TMEM135: variants seen among roughly 807,000 people sequenced by gnomAD.
The protein encoded by TMEM135 is transmembrane protein 135.
A neutral mutation model predicts 60.3 loss-of-function variants in TMEM135; 30 were observed. The observed-to-expected ratio is 0.50, with a 90% CI of 0.37 to 0.68. The LOEUF (loss-of-function observed/expected upper bound fraction) is 0.68, where lower values mean the gene tolerates loss of function less well. Ranked by LOEUF, TMEM135 falls within the 30% of genes least tolerant of loss-of-function variation. The pLI, the probability that TMEM135 is intolerant of heterozygous loss-of-function variation, is 0.00. For missense variants in TMEM135, 468 were observed against 548.8 expected (o/e 0.85, Z 1.47); for synonymous variants, 190 against 186.7 (o/e 1.02, Z -0.14).
intron 7 of TMEM135, 26 bp from the exon 8 acceptor site, chr11:87,302,270 G>A (rs1942461624): frequency 1.2e-6 from 2 of 1,607,884 alleles, no homozygotes; most frequent in South Asian, 1.1e-5. Context: ...AGTGAAAAAT[G>A]CCTCACATTG....
chr11:87,321,499 A>G lies in TMEM135; in HGVS notation c.*166A>G. ...TGAATCAGAAATTCAGAAGCTTTTT[A>G]GGAAGATGTTGCTTAATAATTAAGC... is the stretch of plus-strand genomic sequence containing the variant. On this transcript the variant is annotated 3_prime_UTR_variant, in exon 15 of 15. Transcript: ENST00000305494. The G allele has an allele frequency of 1.3e-6, 1 of 797,270 alleles. No homozygotes were observed. Among genetic ancestry groups the G allele is most frequent in the Non-Finnish European group, 2.1e-6 (1 of 472,754 alleles). The allele number at this position is 797,270 out of a possible 1,614,324, so 49.4% of individuals were successfully genotyped here.
At chr11:87,145,459 C>A (rs1055348912) in intron 4 of TMEM135, among the ~76,000 whole-genome samples, 6 of 152,158 alleles carry the variant, frequency 3.9e-5, no homozygotes, top group Admixed American at 2.0e-4. Flanking sequence ...AGTGGGATTG[C>A]TGGGTCATAT....
At chr11:87,207,531 A>G (rs1199094434) in intron 5 of TMEM135, among the ~76,000 whole-genome samples, 1 of 152,200 alleles carries the variant, frequency 6.6e-6, no homozygotes, top group Non-Finnish European at 1.5e-5. Flanking sequence ...AATTTCCCAG[A>G]TATGATAATA....
chr11:87,268,870 C>T (rs1941805645), intron 6 of TMEM135, among the ~76,000 whole-genome samples: 2 of 152,070 alleles, frequency 1.3e-5, no homozygotes, highest in African/African-American at 4.8e-5. Flanking sequence ...GCCTAAGTTT[C>T]AGATAGCATC....
In TMEM135 at chr11:87,318,246, C is replaced by G; in HGVS notation, c.1176+11C>G. ...ATTTGCTTCCAGGCAGTAAGTATAA[C>G]TTTTTGAAATGAGAAATTGAATGAT... On this transcript the variant is annotated intron_variant, in intron 13 of 14. Coordinates refer to ENST00000305494, the MANE Select transcript of TMEM135 (RefSeq NM_022918.4). 7 of 1,578,138 alleles carry G rather than the reference C, an allele frequency of 4.4e-6. No homozygotes were observed. The highest frequency in any genetic ancestry group is 6.1e-6 in the Non-Finnish European group (7 of 1,150,068).
At chr11:87,294,852 C>G (rs1384846646) in intron 6 of TMEM135, among the ~76,000 whole-genome samples, 1 of 150,582 alleles carries the variant, frequency 6.6e-6, no homozygotes, top group Non-Finnish European at 1.5e-5. Flanking sequence ...AGTAATGTCC[C>G]CATTTTAAGA....
chr11:87,186,053 T>C (rs932784191), intron 5 of TMEM135, among the ~76,000 whole-genome samples: 7 of 152,092 alleles, frequency 4.6e-5, no homozygotes, highest in Non-Finnish European at 8.8e-5. Flanking sequence ...ACTACAGGCA[T>C]GTGCCACTAC....
chr11:87,124,282 G>A (rs989687335), intron 4 of TMEM135, among the ~76,000 whole-genome samples: 1 of 152,136 alleles, frequency 6.6e-6, no homozygotes, highest in South Asian at 2.1e-4. Flanking sequence ...TGGAACTAGG[G>A]CATCTACGGG....
At chr11:87,073,513 G>A (rs1856811743) in intron 3 of TMEM135, among the ~76,000 whole-genome samples, 1 of 152,132 alleles carries the variant, frequency 6.6e-6, no homozygotes, top group Admixed American at 6.6e-5. Flanking sequence ...CAGGAACATA[G>A]GTTACTCCAC....
At chr11:87,198,119 A>G (rs969534076) in intron 5 of TMEM135, among the ~76,000 whole-genome samples, 1 of 152,166 alleles carries the variant, frequency 6.6e-6, no homozygotes, top group African/African-American at 2.4e-5. Context: ...TTAAATATAC[A>G]TAATACTGTT....
chr11:87,136,226 T>G (rs1288210713), intron 4 of TMEM135, among the ~76,000 whole-genome samples: 1 of 152,024 alleles, frequency 6.6e-6, no homozygotes, highest in East Asian at 1.9e-4. Flanking sequence ...AAAAAAATTT[T>G]TGGAATGGAA....
At chr11:87,248,695 T>C (rs1368581019) in intron 6 of TMEM135, among the ~76,000 whole-genome samples, 3 of 152,172 alleles carry the variant, frequency 2.0e-5, no homozygotes, top group East Asian at 3.8e-4. Context: ...ATCTGTAGAT[T>C]GCTTTGGGTA....
rs921168260 is a variant in TMEM135 at position 87,274,365 on chromosome 11, AGT to A, written c.510-21416_510-21415del. On this transcript the variant is annotated intron_variant, in intron 6 of 14. Coordinates refer to ENST00000305494, the MANE Select transcript of TMEM135 (RefSeq NM_022918.4). ...TGTCTTCACAAATGTGGCTTATAAC[AGT>A]CTCTGCCCTCTTCCCTCAAATGTTT... Among the ~76,000 whole-genome samples, 158 of 152,288 alleles carry A rather than the reference AGT, an allele frequency of 1.0e-3. 2 individuals carry two copies. The highest frequency in any genetic ancestry group is 3.7e-3 in the African/African-American group (154 of 41,566).
chr11:87,129,615 A>G (rs949312753), intron 4 of TMEM135, among the ~76,000 whole-genome samples: 6 of 146,180 alleles, frequency 4.1e-5, no homozygotes, highest in Admixed American at 7.0e-5. Context: ...ATCTGGGCTC[A>G]CTGCAACCTC....
At chr11:87,314,309 A>G (rs1393039334) in intron 11 of TMEM135, among the ~76,000 whole-genome samples, 162 bp from the exon 12 acceptor site, 2 of 151,868 alleles carry the variant, frequency 1.3e-5, no homozygotes, top group Non-Finnish European at 2.9e-5. Flanking sequence ...ATATGCAATA[A>G]TATCTCACCC....
At chr11:87,162,217 A>G (rs1938899691) in intron 5 of TMEM135, among the ~76,000 whole-genome samples, 1 of 151,342 alleles carries the variant, frequency 6.6e-6, no homozygotes, top group African/African-American at 2.4e-5. Context: ...TGGAGAGTTT[A>G]TTAAATAATT....
At chr11:87,129,192 A>C (rs1274090752) in intron 4 of TMEM135, among the ~76,000 whole-genome samples, 1 of 129,694 alleles carries the variant, frequency 7.7e-6, no homozygotes, top group Admixed American at 7.4e-5. Context: ...GCTTTTTTCT[A>C]TACATGTTCC....
At chr11:87,220,405 T>G (rs935161686) in intron 5 of TMEM135, among the ~76,000 whole-genome samples, 6 of 152,220 alleles carry the variant, frequency 3.9e-5, no homozygotes, top group Admixed American at 3.3e-4. Flanking sequence ...CCTAAATTAG[T>G]CTGGCTTATT....
At chr11:87,061,426 C>T (rs2513205) in intron 1 of TMEM135, among the ~76,000 whole-genome samples, 88,153 of 152,066 alleles carry the variant, frequency 0.58, 26,537 homozygotes, top group East Asian at 0.81. Context: ...AGTGCCAAGG[C>T]TGAGAAACTC....
Sources: gnomAD v4.1 joint callset for allele counts (sites outside exome capture counted in the v4.1 genomes callset) on GRCh38, gnomAD v4.1.1 for gene constraint, MANE v1.5 for transcripts, NCBI Gene and HGNC (gene_info 2026-07-23, HGNC 2026-07-21) for gene names.